MSRA: variants seen among roughly 807,000 people sequenced by gnomAD.
MSRA encodes mitochondrial peptide methionine sulfoxide reductase.
Under a neutral mutation model 31.3 loss-of-function variants are expected in MSRA, and 54 were observed. The ratio of observed to expected loss-of-function variants is 1.73; its 90% CI spans 1.39 to 2.17. The LOEUF is 2.17. Ranked by LOEUF, MSRA falls within the 30% of genes most tolerant of loss-of-function variation. MSRA has a pLI of 0.00. For synonymous variants in MSRA, 169 were observed against 116.5 expected (o/e 1.45, Z -2.90); for missense variants, 507 against 300.9 (o/e 1.69, Z -5.07).
chr8:10,283,496 G>A (rs377288317), intron 3 of MSRA, among the ~76,000 whole-genome samples: 1 of 151,764 alleles, frequency 6.6e-6, no homozygotes, highest in Admixed American at 6.6e-5. Context: ...TTACATGAGT[G>A]CATTCTTTAG....
At chr8:10,095,989 AC>A in intron 1 of MSRA, 1 of 1,438,676 alleles carries the variant, frequency 7.0e-7, no homozygotes, top group Admixed American at 2.8e-5. Context: ...GTTCATCAAT[AC>A]AAACCTGCTT....
intron 5 of MSRA, among the ~76,000 whole-genome samples, chr8:10,388,006 A>G (rs1806499702): frequency 1.3e-5 from 2 of 152,070 alleles, no homozygotes. Flanking sequence ...AGGGGAGGGG[A>G]AAAAAAGTTT....
chr8:10,385,114 G>A (rs1489702186), intron 5 of MSRA, among the ~76,000 whole-genome samples: 1 of 152,216 alleles, frequency 6.6e-6, no homozygotes, highest in African/African-American at 2.4e-5. Context: ...GGAGTTCATA[G>A]GTAAGGAGCA....
chr8:10,404,710 T>G (rs1807691140), intron 5 of MSRA, among the ~76,000 whole-genome samples: 1 of 152,238 alleles, frequency 6.6e-6, no homozygotes, highest in Non-Finnish European at 1.5e-5. Context: ...CCGTGCCTTC[T>G]CGTGGCACCT....
At chr8:10,295,439 C>G (rs1017440569) in intron 3 of MSRA, among the ~76,000 whole-genome samples, 1 of 152,204 alleles carries the variant, frequency 6.6e-6, no homozygotes, top group South Asian at 2.1e-4. Flanking sequence ...ACACAGACCA[C>G]GTGGGCCTAG....
At chr8:10,205,343 T>C (rs1169337954) in intron 1 of MSRA, among the ~76,000 whole-genome samples, 1 of 151,718 alleles carries the variant, frequency 6.6e-6, no homozygotes, top group Admixed American at 6.6e-5. Flanking sequence ...AGGGGGACAG[T>C]CGCTGGCTGT....
intron 3 of MSRA, among the ~76,000 whole-genome samples, chr8:10,283,687 C>T (rs1046896083): frequency 6.6e-6 from 1 of 150,858 alleles, no homozygotes; most frequent in Non-Finnish European, 1.5e-5. Flanking sequence ...TGAGAACATA[C>T]AATGTTTTTT....
chr8:10,219,805 C>CAAAAAAAAAAAA lies in MSRA; in HGVS notation c.211+11904_211+11905insAAAAAAAAAAAA, dbSNP rs202000887. Among the ~76,000 whole-genome samples the CAAAAAAAAAAAA allele has an allele frequency of 5.9e-4, 27 of 46,068 alleles. 6 individuals are homozygous for CAAAAAAAAAAAA. In the East Asian group the frequency reaches 0.012, roughly 20 times the overall value. 30.2% of individuals were successfully genotyped at this position (46,068 alleles called of 152,430 possible). On this transcript the variant is annotated intron_variant, in intron 2 of 5. Transcript: ENST00000317173. ...TGGACGACAGATCGAGACTCTGTCT[C>CAAAAAAAAAAAA]CAAAAAAAAAAAAAAAAAAAAAAGA...
chr8:10,099,267 G>A (rs974057639), intron 1 of MSRA, among the ~76,000 whole-genome samples: 2 of 152,174 alleles, frequency 1.3e-5, no homozygotes, highest in Admixed American at 6.5e-5. Context: ...TGGCCCAGGC[G>A]TGAGGCAGAG....
At chr8:10,420,522 T>G (rs1388522051) in intron 5 of MSRA, among the ~76,000 whole-genome samples, 1 of 152,164 alleles carries the variant, frequency 6.6e-6, no homozygotes, top group Non-Finnish European at 1.5e-5. Context: ...TGAGGCTGAA[T>G]AGTCTTAGGT....
intron 1 of MSRA, among the ~76,000 whole-genome samples, chr8:10,192,233 C>T (rs140571608): frequency 3.7e-3 from 571 of 152,306 alleles, no homozygotes; most frequent in Middle Eastern, 0.01. Context: ...TCACTAAGTT[C>T]GGCCTACACT....
chr8:10,161,079 C>T (rs1804598691), intron 1 of MSRA, among the ~76,000 whole-genome samples: 1 of 152,138 alleles, frequency 6.6e-6, no homozygotes, highest in Admixed American at 6.5e-5. Context: ...AGATTATGAA[C>T]ACACAATATT....
chr8:10,178,381 G>T (rs1201966473), intron 1 of MSRA, among the ~76,000 whole-genome samples: 1 of 152,126 alleles, frequency 6.6e-6, no homozygotes, highest in Non-Finnish European at 1.5e-5. Context: ...CTTGAGCCCA[G>T]GAGTTCAAGA....
chr8:10,177,482 C>G (rs976887225), intron 1 of MSRA, among the ~76,000 whole-genome samples: 1 of 151,902 alleles, frequency 6.6e-6, no homozygotes, highest in Non-Finnish European at 1.5e-5. Context: ...AGCGAGCTGG[C>G]TTCATGAGTG....
intron 1 of MSRA, among the ~76,000 whole-genome samples, chr8:10,172,101 G>T (rs1167553853): frequency 2.6e-5 from 4 of 152,218 alleles, no homozygotes; most frequent in Non-Finnish European, 5.9e-5. Flanking sequence ...ATTGTAGCCG[G>T]GGTCAGGAAT....
intron 1 of MSRA, among the ~76,000 whole-genome samples, chr8:10,069,406 A>T (rs1797619453): frequency 6.6e-6 from 1 of 152,174 alleles, no homozygotes; most frequent in Non-Finnish European, 1.5e-5. Flanking sequence ...TTAAAAATAG[A>T]TGTTTGTCCT....
chr8:10,245,687 T>G (rs191761245), intron 3 of MSRA, among the ~76,000 whole-genome samples: 220 of 152,330 alleles, frequency 1.4e-3, no homozygotes, highest in Non-Finnish European at 2.3e-3. Flanking sequence ...ATGGGGATGA[T>G]GGACCATATG....
intron 3 of MSRA, among the ~76,000 whole-genome samples, chr8:10,279,417 G>T (rs1233018307): frequency 4.6e-5 from 7 of 152,198 alleles, no homozygotes; most frequent in Non-Finnish European, 8.8e-5. Context: ...ACTCAACTTT[G>T]TCTAAGAGAT....
chr8:10,303,281 C>T (rs534674044), intron 4 of MSRA, among the ~76,000 whole-genome samples: 18 of 152,344 alleles, frequency 1.2e-4, no homozygotes, highest in African/African-American at 3.8e-4. Flanking sequence ...AGTCTGTCGT[C>T]AACTTCTCTC....
Sources: allele counts gnomAD v4.1 joint callset (sites outside exome capture counted in the v4.1 genomes callset), GRCh38; gene constraint gnomAD v4.1.1; transcripts MANE v1.5; gene names NCBI Gene and HGNC (gene_info 2026-07-23, HGNC 2026-07-21).